KCNQ1OT1: variants seen among roughly 807,000 people sequenced by gnomAD.
KCNQ1OT1 encodes KCNQ1 opposite strand/antisense transcript 1, also known as KCNQ1 antisense RNA 2 (non-protein coding).
At chr11:2,643,535 T>G (rs899013896) in exon 1 of KCNQ1OT1, 1 of 398,436 alleles carries the variant, frequency 2.5e-6, no homozygotes, top group African/African-American at 2.1e-5. Context: ...CTTTCAACTA[T>G]GTGTCTTTAC....
exon 1 of KCNQ1OT1, chr11:2,614,700 T>G: frequency 2.5e-6 from 1 of 398,498 alleles, no homozygotes; most frequent in Non-Finnish European, 4.4e-6. Context: ...GAGTGTTTAT[T>G]TCTACATTCT....
At chr11:2,699,670 A>AACCGCGCCGAAGAATCCCCGGGGAGC (rs1850753230) in exon 1 of KCNQ1OT1, 1 of 350,744 alleles carries the variant, frequency 2.9e-6, no homozygotes, top group African/African-American at 2.2e-5. Context: ...CCCCGGGGAG[A>AACCGCGCCGAAGAATCCCCGGGGAGC]ACCGCGCCGA....
In KCNQ1OT1 at chr11:2,676,741, C is replaced by T. The variant is rs868455121; in HGVS notation, n.23254G>A. On this transcript the variant is annotated non_coding_transcript_exon_variant, in exon 1 of 1. Coordinates refer to ENST00000597346, the Ensembl canonical transcript of KCNQ1OT1. This position sits in a 1 kb window ranked among gnomAD's most constrained non-coding sequence, Gnocchi z 4.2. ...GTCATATGCATAGTGGCTTTGGGTA[C>T]GATGGTCTGCTGTATGAAGCAACCC... 1.1e-4 allele frequency: 44 copies of T among 398,442 alleles called. No homozygotes were observed. Among genetic ancestry groups the T allele is most frequent in the East Asian group, 3.6e-4 (10 of 28,080 alleles). 24.7% of individuals were successfully genotyped at this position (398,442 alleles called of 1,614,324 possible).
In KCNQ1OT1 at chr11:2,673,091, C is replaced by T. The variant is rs184731749; in HGVS notation, n.26904G>A. 1.5e-3 allele frequency: 610 copies of T among 398,866 alleles called. 2 individuals carry two copies. The highest frequency in any genetic ancestry group is 2.8e-3 in the Admixed American group (64 of 22,742). The allele number at this position is 398,866 out of a possible 1,614,324, so 24.7% of individuals were successfully genotyped here. A position where few individuals can be genotyped will look rare whatever the true frequency, so the allele number is the denominator to read the frequency against. ...CTTCTCAGGCCACAGTAGGCCTTCA[C>T]GGTACTCAGCAGGAGACCCCAGCAG... On this transcript the variant is annotated non_coding_transcript_exon_variant, in exon 1 of 1. Coordinates refer to ENST00000597346, the Ensembl canonical transcript of KCNQ1OT1. This position sits in a 1 kb window ranked among gnomAD's most constrained non-coding sequence, Gnocchi z 4.5.
rs1850316798 is a variant in KCNQ1OT1 at position 2,677,633 on chromosome 11, G to A, written n.22362C>T. 7.5e-6 allele frequency: 3 copies of A among 398,218 alleles called. No individual in the cohort carries two copies. Among genetic ancestry groups the A allele is most frequent in the African/African-American group, 2.1e-5 (1 of 48,502 alleles). 24.7% of individuals were successfully genotyped at this position (398,218 alleles called of 1,614,324 possible). ...TTTTTTCTAAAACGTGTACATAATT[G>A]TAACTCTAACAACTGTTATTGCATA... On this transcript the variant is annotated non_coding_transcript_exon_variant, in exon 1 of 1. Transcript: ENST00000597346. This position sits in a 1 kb window ranked among gnomAD's most constrained non-coding sequence, Gnocchi z 4.5.
chr11:2,686,436 C>T (rs1162926007), exon 1 of KCNQ1OT1: 5 of 398,562 alleles, frequency 1.3e-5, no homozygotes, highest in Admixed American at 8.8e-5. Flanking sequence ...AGAGCCCCTC[C>T]ACTGCCAAGT....
chr11:2,699,219 C>G, exon 1 of KCNQ1OT1: 1 of 398,792 alleles, frequency 2.5e-6, no homozygotes, highest in Non-Finnish European at 4.4e-6. Context: ...GAACTCGGAC[C>G]TCGACCCTGG....
At chr11:2,667,248 G>A (rs997633069) in exon 1 of KCNQ1OT1, 30 of 398,558 alleles carry the variant, frequency 7.5e-5, no homozygotes, top group Admixed American at 7.0e-4. Context: ...GTCTGAGCAC[G>A]TGAGGAAGAA....
At chr11:2,610,192 C>A (rs902217491) in exon 1 of KCNQ1OT1, 3 of 397,662 alleles carry the variant, frequency 7.5e-6, no homozygotes, top group Non-Finnish European at 1.3e-5. Flanking sequence ...AGTGTTTGCT[C>A]TAGGGCTTAC....
exon 1 of KCNQ1OT1, chr11:2,636,745 GT>G (rs1849473523): frequency 6.6e-6 from 1 of 152,242 alleles, no homozygotes; most frequent in Admixed American, 6.5e-5. Flanking sequence ...GTTTGGAATA[GT>G]TTCAGAAGGC....
chr11:2,657,371 C>A lies in KCNQ1OT1; in HGVS notation n.42624G>T. 1 of 398,570 alleles carries A rather than the reference C, an allele frequency of 2.5e-6. No individual in the cohort carries two copies. Among genetic ancestry groups the A allele is most frequent in the Non-Finnish European group, 4.4e-6 (1 of 226,048 alleles). The allele number at this position is 398,570 out of a possible 1,614,324, so 24.7% of individuals were successfully genotyped here. A position where few individuals can be genotyped will look rare whatever the true frequency, so the allele number is the denominator to read the frequency against. On this transcript the variant is annotated non_coding_transcript_exon_variant, in exon 1 of 1. Transcript: ENST00000597346. The surrounding 1 kb of genome is among the most constrained non-coding windows in gnomAD (Gnocchi z 4.8). The stretch of plus-strand genomic sequence containing the variant: ...AGGCATATTTCTCCATTTATATCTT[C>A]TTCATTGTCTCTTACTAAAGTTTTA...
exon 1 of KCNQ1OT1, chr11:2,643,921 A>T (rs1374438545): frequency 2.5e-6 from 1 of 398,424 alleles, no homozygotes; most frequent in Non-Finnish European, 4.4e-6. Flanking sequence ...CACTCTGCGT[A>T]TATAATCCCA....
chr11:2,657,119 C>G lies in KCNQ1OT1; in HGVS notation n.42876G>C, dbSNP rs1280749969. ...TGTCAATACCACATTGCCCTAATGA[C>G]CACTGCCTTGGAAGAAGTACTGATG... On this transcript the variant is annotated non_coding_transcript_exon_variant, in exon 1 of 1. Transcript: ENST00000597346. The surrounding 1 kb of genome is among the most constrained non-coding windows in gnomAD (Gnocchi z 4.8). 2.5e-6 allele frequency: 1 copy of G among 398,520 alleles called. No homozygotes were observed. Among genetic ancestry groups the G allele is most frequent in the Non-Finnish European group, 4.4e-6 (1 of 226,078 alleles). 24.7% of individuals were successfully genotyped at this position (398,520 alleles called of 1,614,324 possible).
chr11:2,622,077 T>C, exon 1 of KCNQ1OT1: 1 of 398,354 alleles, frequency 2.5e-6, no homozygotes, highest in Non-Finnish European at 4.4e-6. Context: ...GTTCCCACTG[T>C]CATTTGTCTG....
chr11:2,695,243 C>T lies in KCNQ1OT1; in HGVS notation n.4752G>A. The T allele has an allele frequency of 2.5e-6, 1 of 398,650 alleles. No individual in the cohort carries two copies. Among genetic ancestry groups the T allele is most frequent in the Non-Finnish European group, 4.4e-6 (1 of 226,138 alleles). The allele number at this position is 398,650 out of a possible 1,614,324, so 24.7% of individuals were successfully genotyped here. On this transcript the variant is annotated non_coding_transcript_exon_variant, in exon 1 of 1. Transcript: ENST00000597346. This position sits in a 1 kb window ranked among gnomAD's most constrained non-coding sequence, Gnocchi z 5.2. Reference sequence around the variant, plus strand: ...CATAAAGTCACCGCTCTCTTCCTCTCCATGCTTTTCCACTTCATCTCTAGC... The same window carrying T: ...CATAAAGTCACCGCTCTCTTCCTCTTCATGCTTTTCCACTTCATCTCTAGC...
Position 2,671,684 on chromosome 11 carries a change from A to G in KCNQ1OT1, n.28311T>C. The stretch of plus-strand genomic sequence containing the variant: ...AGGCAGAGAGCAGGGGTGACTTTGC[A>G]AGGCAATAGAGGGTACTTGGGAAGT... On this transcript the variant is annotated non_coding_transcript_exon_variant, in exon 1 of 1. Coordinates refer to ENST00000597346, the Ensembl canonical transcript of KCNQ1OT1. The surrounding 1 kb of genome is among the most constrained non-coding windows in gnomAD (Gnocchi z 4.7). The G allele has an allele frequency of 2.5e-6, 1 of 398,776 alleles. No individual in the cohort carries two copies. Among genetic ancestry groups the G allele is most frequent in the Non-Finnish European group, 4.4e-6 (1 of 226,188 alleles). 24.7% of individuals were successfully genotyped at this position (398,776 alleles called of 1,614,324 possible).
At position 2,678,591 on chromosome 11, in the gene KCNQ1OT1, G is replaced by A. The variant is rs1850334383; in HGVS notation, n.21404C>T. On this transcript the variant is annotated non_coding_transcript_exon_variant, in exon 1 of 1. Coordinates refer to ENST00000597346, the Ensembl canonical transcript of KCNQ1OT1. This position sits in a 1 kb window ranked among gnomAD's most constrained non-coding sequence, Gnocchi z 4.9. Reference sequence around the variant, plus strand: ...GTAACTTTATGATGCACTTATCTGTGTAGCAGGACTCCCCCTCATCTCCAT... The same window carrying A: ...GTAACTTTATGATGCACTTATCTGTATAGCAGGACTCCCCCTCATCTCCAT... 1 of 398,498 alleles carries A rather than the reference G, an allele frequency of 2.5e-6. No individual in the cohort carries two copies. The highest frequency in any genetic ancestry group is 3.6e-5 in the East Asian group (1 of 28,096). 24.7% of individuals were successfully genotyped at this position (398,498 alleles called of 1,614,324 possible).
At position 2,671,996 on chromosome 11, in the gene KCNQ1OT1, C is replaced by T. The variant is rs1850191689; in HGVS notation, n.27999G>A. 2.5e-6 allele frequency: 1 copy of T among 398,500 alleles called. No homozygotes were observed. Among genetic ancestry groups the T allele is most frequent in the South Asian group, 1.3e-4 (1 of 7,848 alleles). 24.7% of individuals were successfully genotyped at this position (398,500 alleles called of 1,614,324 possible). On this transcript the variant is annotated non_coding_transcript_exon_variant, in exon 1 of 1. Transcript: ENST00000597346. This position sits in a 1 kb window ranked among gnomAD's most constrained non-coding sequence, Gnocchi z 4.7. ...TCAGCTAGCACCCCTGACTTCAAGTCCTCGAGTGTATGTTGGGCTTGTCTC... is the reference window on the plus strand; with the variant it reads ...TCAGCTAGCACCCCTGACTTCAAGTTCTCGAGTGTATGTTGGGCTTGTCTC...
chr11:2,668,939 G>C lies in KCNQ1OT1; in HGVS notation n.31056C>G, dbSNP rs1482590200. ...TTTATTAGCTCACCTTTCCCATGTA[G>C]ATCTGCACTCCATCTGGGATTGATT... is the stretch of plus-strand genomic sequence containing the variant. On this transcript the variant is annotated non_coding_transcript_exon_variant, in exon 1 of 1. Coordinates refer to ENST00000597346, the Ensembl canonical transcript of KCNQ1OT1. This position sits in a 1 kb window ranked among gnomAD's most constrained non-coding sequence, Gnocchi z 4.3. The C allele has an allele frequency of 1.3e-5, 5 of 398,442 alleles. No homozygotes were observed. The highest frequency in any genetic ancestry group is 8.8e-5 in the Admixed American group (2 of 22,712). The allele number at this position is 398,442 out of a possible 1,614,324, so 24.7% of individuals were successfully genotyped here. A position where few individuals can be genotyped will look rare whatever the true frequency, so the allele number is the denominator to read the frequency against.
Sources: gnomAD v4.1 joint callset for allele counts on GRCh38, gnomAD v4.1.1 for gene constraint, Gnocchi (gnomAD v3.1) non-coding constraint, MANE v1.5 for transcripts, NCBI Gene and HGNC (gene_info 2026-07-23, HGNC 2026-07-21) for gene names.